UTRN: variants seen among roughly 807,000 people sequenced by gnomAD.
UTRN encodes the protein dystrophin-related protein 1.
In UTRN, 283 loss-of-function variants were observed where a neutral mutation model predicts 463.9. That is an observed-to-expected ratio of 0.61 (90% CI 0.55 to 0.67). The LOEUF (loss-of-function observed/expected upper bound fraction) is 0.67, where lower values mean the gene tolerates loss of function less well. Among genes scored for constraint, UTRN ranks in the 30% least tolerant of loss-of-function variants. UTRN has a pLI of 0.00. For missense variants in UTRN, 3,922 were observed against 4,084.3 expected (o/e 0.96, Z 1.08); for synonymous variants, 1,442 against 1,431.5 (o/e 1.01, Z -0.17).
At chr6:144,604,724 G>A (rs1804648617) in intron 51 of UTRN, among the ~76,000 whole-genome samples, 2 of 152,018 alleles carry the variant, frequency 1.3e-5, no homozygotes, top group Non-Finnish European at 2.9e-5. Flanking sequence ...GACCAGCCTG[G>A]CCAACATGGT....
chr6:144,575,035 A>G (rs1801300034), intron 50 of UTRN, among the ~76,000 whole-genome samples: 1 of 152,196 alleles, frequency 6.6e-6, no homozygotes, highest in Non-Finnish European at 1.5e-5. Flanking sequence ...CAGTTACTCC[A>G]CATTCCTGCC....
Position 144,488,843 on chromosome 6 carries a change from G to C in UTRN, c.4134+9G>C. On this transcript the variant is annotated intron_variant, in intron 30 of 74. Transcript: ENST00000367545. ...TTCCACAGGAAGCTCAGGTATTGCC[G>C]TGCATTTGAGGGCTTTTGAGCTGTA... The C allele has an allele frequency of 1.3e-6, 2 of 1,579,468 alleles. No individual in the cohort carries two copies. Among genetic ancestry groups the C allele is most frequent in the Non-Finnish European group, 1.7e-6 (2 of 1,159,392 alleles).
In UTRN at chr6:144,513,912, C is replaced by T. The variant is rs1795387593; in HGVS notation, c.4948C>T (p.His1650Tyr). 3 of 1,612,970 alleles carry T rather than the reference C, an allele frequency of 1.9e-6. No homozygotes were observed. Among genetic ancestry groups the T allele is most frequent in the East Asian group, 4.5e-5 (2 of 44,814 alleles). Residue 1650 changes from histidine to tyrosine, a missense_variant, in exon 36 of 75, where the codon CAT (histidine) becomes TAT (tyrosine). This residue lies in a region of UTRN where 2,349 missense variants were observed against 2,303.8 expected (regional missense o/e 1.02). Transcript: ENST00000367545. ...TEDWCNTLMNHQNQLEIFDGN... is the reference protein window; with the variant it reads ...TEDWCNTLMNYQNQLEIFDGN... ...CATTTTATTAATTCCTTTGTAGAAC[C>T]ATCAGAACCAGCTAGAAATATTTGA...
Position 144,554,930 on chromosome 6 carries a change from T to G in UTRN, c.7134+37T>G, listed in dbSNP as rs750655823. 21 of 1,605,312 alleles carry G rather than the reference T, an allele frequency of 1.3e-5. No individual in the cohort carries two copies. In the South Asian group the frequency reaches 2.3e-4, roughly 18 times the overall value. ...CAGATATTTTTTGGCAGTATTGTTT[T>G]GTTGGATATACTTTTTTTCTATTGT... is the stretch of plus-strand genomic sequence containing the variant. On this transcript the variant is annotated intron_variant, in intron 49 of 74. Coordinates refer to ENST00000367545, the MANE Select transcript of UTRN (RefSeq NM_007124.3).
chr6:144,814,872 G>T (rs1485703425), intron 65 of UTRN, among the ~76,000 whole-genome samples: 1 of 152,170 alleles, frequency 6.6e-6, no homozygotes, highest in African/African-American at 2.4e-5. Context: ...GGAGATAGAG[G>T]TGTATTAGAA....
At chr6:144,824,814 G>C (rs918323451) in intron 66 of UTRN, among the ~76,000 whole-genome samples, 1 of 149,330 alleles carries the variant, frequency 6.7e-6, no homozygotes, top group Non-Finnish European at 1.5e-5. Flanking sequence ...GACGCTGAAT[G>C]ATCTGGCTCC....
intron 73 of UTRN, among the ~76,000 whole-genome samples, chr6:144,841,404 T>C (rs1233827201): frequency 6.6e-6 from 1 of 152,214 alleles, no homozygotes; most frequent in Non-Finnish European, 1.5e-5. Flanking sequence ...CTGTGAAGTT[T>C]CCATCTGAAC....
chr6:144,738,663 G>A (rs1484224230), intron 54 of UTRN, among the ~76,000 whole-genome samples: 1 of 152,108 alleles, frequency 6.6e-6, no homozygotes, highest in Non-Finnish European at 1.5e-5. Flanking sequence ...ACAATTCATT[G>A]TATACATATG....
chr6:144,820,563 ATAGTTTGGAAAAAT>A (rs376752959), intron 65 of UTRN, among the ~76,000 whole-genome samples: 7 of 152,232 alleles, frequency 4.6e-5, no homozygotes, highest in African/African-American at 1.2e-4. Flanking sequence ...GAACCAGCCA[ATAGTTTGGAAAAAT>A]TAGTTTGGAA....
intron 26 of UTRN, among the ~76,000 whole-genome samples, chr6:144,481,046 T>C (rs1299344928): frequency 1.3e-5 from 2 of 152,236 alleles, no homozygotes; most frequent in Non-Finnish European, 2.9e-5. Context: ...TTCTTTACAC[T>C]ATTGGCATTG....
intron 51 of UTRN, among the ~76,000 whole-genome samples, chr6:144,582,780 C>A (rs891641571): frequency 1.1e-4 from 16 of 152,062 alleles, no homozygotes; most frequent in African/African-American, 3.4e-4. Flanking sequence ...AGTCATATAA[C>A]CCCTGCAAGT....
chr6:144,412,088 A>G (rs541319419), intron 3 of UTRN, among the ~76,000 whole-genome samples: 2 of 152,306 alleles, frequency 1.3e-5, no homozygotes, highest in East Asian at 1.9e-4. Flanking sequence ...TAAATACTAC[A>G]TATCATACAG....
intron 53 of UTRN, among the ~76,000 whole-genome samples, chr6:144,713,411 G>A (rs1275045323): frequency 6.6e-6 from 1 of 150,668 alleles, no homozygotes; most frequent in Non-Finnish European, 1.5e-5. Flanking sequence ...TTCAAGACCA[G>A]CCTGACCAAC....
At position 144,803,142 on chromosome 6, in the gene UTRN, A is replaced by G. The variant is rs2128747287; in HGVS notation, c.9352A>G (p.Ile3118Val). 1.3e-6 allele frequency: 2 copies of G among 1,571,034 alleles called. No individual in the cohort carries two copies. Among genetic ancestry groups the G allele is most frequent in the Non-Finnish European group, 1.7e-6 (2 of 1,159,810 alleles). Reference protein sequence around the residue: ...KLHYPMVEYCIPTTSGEDVRD... With the variant: ...KLHYPMVEYCVPTTSGEDVRD... ...ACATTACCCAATGGTGGAATATTGT[A>G]TACCTGTGAGTACTAACCCACTGTT... The change falls in exon 65 of 75, where the codon ATA (isoleucine) becomes GTA (valine). Residue 3118 changes from isoleucine (I) to valine (V), a missense_variant. Ile to Val is a conservative substitution (Grantham distance 29, BLOSUM62 3). Coordinates refer to ENST00000367545, the MANE Select transcript of UTRN (RefSeq NM_007124.3).
chr6:144,385,020 G>A (rs1295403213), intron 2 of UTRN, among the ~76,000 whole-genome samples: 4 of 152,122 alleles, frequency 2.6e-5, no homozygotes, highest in Non-Finnish European at 5.9e-5. Context: ...AAGTTTTGAG[G>A]AAAGATCATT....
chr6:144,354,649 G>A (rs1778396617), intron 2 of UTRN, among the ~76,000 whole-genome samples: 1 of 152,124 alleles, frequency 6.6e-6, no homozygotes, highest in Admixed American at 6.5e-5. Flanking sequence ...CTGTCCTCAT[G>A]GTTCATGCTG....
At chr6:144,449,173 G>A (rs1360908111) in intron 17 of UTRN, among the ~76,000 whole-genome samples, 1 of 152,034 alleles carries the variant, frequency 6.6e-6, no homozygotes, top group Non-Finnish European at 1.5e-5. Context: ...GAAAGTGCAG[G>A]GGATCCTTAA....
chr6:144,417,799 T>C (rs1784481649), intron 3 of UTRN, among the ~76,000 whole-genome samples: 1 of 152,190 alleles, frequency 6.6e-6, no homozygotes, highest in South Asian at 2.1e-4. Flanking sequence ...AAAAGGTAGT[T>C]AATTGTTTTT....
At chr6:144,809,259 G>C (rs1778404299) in intron 65 of UTRN, among the ~76,000 whole-genome samples, 1 of 152,148 alleles carries the variant, frequency 6.6e-6, no homozygotes, top group African/African-American at 2.4e-5. Flanking sequence ...TCAATCTTGA[G>C]TCACACAGAG....
Sources: gnomAD v4.1 joint callset for allele counts (sites outside exome capture counted in the v4.1 genomes callset) on GRCh38, gnomAD v4.1.1 for gene constraint, gnomAD v4.1.1 regional missense constraint, MANE v1.5 for transcripts, NCBI Gene and HGNC (gene_info 2026-07-23, HGNC 2026-07-21) for gene names.